MARVELD2: variants seen among roughly 807,000 people sequenced by gnomAD.
MARVELD2 encodes the protein MARVEL domain containing 2.
Under a neutral mutation model 57.6 loss-of-function variants are expected in MARVELD2, and 49 were observed. The observed-to-expected ratio is 0.85, with a 90% CI of 0.68 to 1.08. The LOEUF (loss-of-function observed/expected upper bound fraction) is 1.08. Among genes scored for constraint, MARVELD2 ranks in the 50% least tolerant of loss-of-function variants. The probability of loss-of-function intolerance (pLI) is 0.00; values close to 1 mark genes in which losing one functional copy is unlikely to be tolerated. For synonymous variants in MARVELD2, 238 were observed against 258.8 expected (o/e 0.92, Z 0.77); for missense variants, 606 against 701.1 (o/e 0.86, Z 1.53).
At chr5:69,438,202 A>G (rs1452558819) in intron 5 of MARVELD2, among the ~76,000 whole-genome samples, 1 of 152,104 alleles carries the variant, frequency 6.6e-6, no homozygotes, top group African/African-American at 2.4e-5. Context: ...TGAGCCCATA[A>G]AGTAGAAATA....
chr5:69,419,889 A>G lies in MARVELD2; in HGVS notation c.504A>G (p.Thr168=), dbSNP rs568560843. The G allele has an allele frequency of 3.0e-4, 489 of 1,614,068 alleles. 5 individuals are homozygous for G. In the South Asian group the frequency reaches 5.1e-3, roughly 17 times the overall value. ...PYGSLDRHTQ[T]VRTYSEKVEE... is the part of the protein sequence containing the mutation. ...GATCTCTAGACCGACACACACAAAC[A>G]GTTCGAACATACAGTGAGAAGGTGG... Residue 168 remains threonine, a synonymous_variant, in exon 2 of 7, where the codon ACA becomes ACG. Coordinates refer to ENST00000325631, the MANE Select transcript of MARVELD2 (RefSeq NM_001038603.3).
rs1766526296 is a variant in MARVELD2, at chr5:69,419,399, G to A, written c.14G>A (p.Gly5Glu). 2 of 1,614,040 alleles carry A rather than the reference G, an allele frequency of 1.2e-6. No homozygotes were observed. Among genetic ancestry groups the A allele is most frequent in the African/African-American group, 2.7e-5 (2 of 74,894 alleles). The change falls in exon 2 of 7, where the codon GGA becomes GAA. Residue 5 changes from glycine to glutamate, a missense_variant. Gly to Glu is a moderately conservative substitution (Grantham distance 98, BLOSUM62 -2). Coordinates refer to ENST00000325631, the MANE Select transcript of MARVELD2 (RefSeq NM_001038603.3). MSND[G>E]RSRNRDRRYD... ...TGAAAATCACAAATGTCAAATGATG[G>A]AAGATCCAGGAATCGGGACAGGCGC...
In MARVELD2 at chr5:69,440,545, A is replaced by G; in HGVS notation, c.1554+45A>G. The G allele has an allele frequency of 2.8e-6, 3 of 1,079,294 alleles. 1 individual carries two copies. The highest frequency in any genetic ancestry group is 2.5e-5 in the South Asian group (2 of 78,436). 66.9% of individuals were successfully genotyped at this position (1,079,294 alleles called of 1,614,324 possible). Reference sequence around the variant, plus strand: ...TCAAACTGTATTCTTATCCAAGTACATATGTGATAATTTACAGACTCTAGA... The same window carrying G: ...TCAAACTGTATTCTTATCCAAGTACGTATGTGATAATTTACAGACTCTAGA... On this transcript the variant is annotated intron_variant, in intron 6 of 6. Transcript: ENST00000325631.
intron 5 of MARVELD2, among the ~76,000 whole-genome samples, chr5:69,439,779 A>G (rs1007005533): frequency 6.6e-6 from 1 of 151,856 alleles, no homozygotes; most frequent in Non-Finnish European, 1.5e-5. Flanking sequence ...GCTGTAAATT[A>G]TTATATTTAT....
intron 2 of MARVELD2, among the ~76,000 whole-genome samples, chr5:69,421,197 A>G (rs1766616722): frequency 6.6e-6 from 1 of 152,212 alleles, no homozygotes; most frequent in Non-Finnish European, 1.5e-5. Flanking sequence ...AATAATGAGA[A>G]CAATAAGAAG....
chr5:69,428,996 C>G (rs1054948545), intron 3 of MARVELD2, among the ~76,000 whole-genome samples: 2 of 152,202 alleles, frequency 1.3e-5, no homozygotes, highest in Non-Finnish European at 2.9e-5. Context: ...GCATCCTAAT[C>G]AGCAAGAAAT....
chr5:69,434,081 C>G (rs190371848), intron 5 of MARVELD2, among the ~76,000 whole-genome samples: 138 of 152,124 alleles, frequency 9.1e-4, no homozygotes, highest in African/African-American at 3.2e-3. Flanking sequence ...TGTAGGGAAG[C>G]CACCAGGGGC....
Position 69,416,294 on chromosome 5 carries a change from C to CTG in MARVELD2, c.-16+1124_-16+1125insTG, listed in dbSNP as rs56660990. On this transcript the variant is annotated intron_variant, in intron 1 of 6. Coordinates refer to ENST00000325631, the MANE Select transcript of MARVELD2 (RefSeq NM_001038603.3). The stretch of plus-strand genomic sequence containing the variant: ...TTTTAGAGAAAGAAAGAGAAAGGTA[C>CTG]AAAAATAACTGATTGTTATAATATA... Among the ~76,000 whole-genome samples, 463 of 152,310 alleles carry CTG rather than the reference C, an allele frequency of 3.0e-3. 2 individuals are homozygous for CTG. Among genetic ancestry groups the CTG allele is most frequent in the African/African-American group, 0.011 (443 of 41,568 alleles).
chr5:69,435,744 C>A (rs1767113932), intron 5 of MARVELD2, among the ~76,000 whole-genome samples: 1 of 125,170 alleles, frequency 8.0e-6, no homozygotes, highest in Admixed American at 8.4e-5. Context: ...CAGAGTGAGA[C>A]CCTGTCTCAA....
intron 5 of MARVELD2, among the ~76,000 whole-genome samples, chr5:69,438,975 A>G (rs1012178087): frequency 6.6e-6 from 1 of 150,686 alleles, no homozygotes; most frequent in Non-Finnish European, 1.5e-5. Flanking sequence ...CTGAGACAGG[A>G]GGATCACTTG....
intron 5 of MARVELD2, among the ~76,000 whole-genome samples, chr5:69,436,325 C>T (rs1767135457): frequency 6.6e-6 from 1 of 151,422 alleles, no homozygotes; most frequent in South Asian, 2.1e-4. Context: ...CATGCCACTG[C>T]ACTCCAGCCT....
At position 69,433,059 on chromosome 5, in the gene MARVELD2, T is replaced by C; in HGVS notation, c.1469T>C (p.Met490Thr). Residue 490 changes from methionine (M) to threonine (T), a missense_variant, in exon 5 of 7, where the codon ATG (methionine) becomes ACG (threonine). Transcript: ENST00000325631. ...AAGTTTGATGAGCTGGATGCAGTGA[T>C]GAGCAGATTGCCACATCATTCGGAA... ...LRKFDELDAV[M>T]SRLPHHSESR... is the part of the protein sequence containing the mutation. The C allele has an allele frequency of 6.2e-7, 1 of 1,614,000 alleles. No homozygotes were observed. Among genetic ancestry groups the C allele is most frequent in the South Asian group, 1.1e-5 (1 of 91,082 alleles).
chr5:69,438,862 G>A (rs1267798165), intron 5 of MARVELD2, among the ~76,000 whole-genome samples: 1 of 151,376 alleles, frequency 6.6e-6, no homozygotes, highest in South Asian at 2.1e-4. Context: ...CTCCAGCCTG[G>A]GTGACAGAAT....
At chr5:69,431,703 C>T (rs180808849) in intron 3 of MARVELD2, among the ~76,000 whole-genome samples, 15 of 152,024 alleles carry the variant, frequency 9.9e-5, no homozygotes, top group Admixed American at 8.5e-4. Context: ...AATGTGATTC[C>T]CTTAGCTATT....
intron 5 of MARVELD2, among the ~76,000 whole-genome samples, chr5:69,435,616 T>C (rs986546465): frequency 4.6e-5 from 7 of 151,458 alleles, no homozygotes; most frequent in African/African-American, 1.7e-4. Context: ...TAGTTGGGCA[T>C]GTTGGCAGGC....
chr5:69,424,482 G>A (rs768463814), intron 2 of MARVELD2, 119 bp from the exon 3 acceptor site: 47 of 809,426 alleles, frequency 5.8e-5, no homozygotes, highest in South Asian at 3.9e-4. Flanking sequence ...AGAAACACCC[G>A]TCAAGTAGAG....
chr5:69,424,555 A>G (rs1401307635), intron 2 of MARVELD2, 46 bp from the exon 3 acceptor site: 1 of 1,516,012 alleles, frequency 6.6e-7, no homozygotes, highest in South Asian at 1.1e-5. Context: ...TTTGCAAAGT[A>G]GCTTCACATG....
At chr5:69,418,936 C>G in intron 1 of MARVELD2, 1 of 140,768 alleles carries the variant, frequency 7.1e-6, no homozygotes. Context: ...TTTTTTTTTT[C>G]TTTTTTTTAG....
chr5:69,418,262 T>C (rs1766491032), intron 1 of MARVELD2, among the ~76,000 whole-genome samples: 1 of 152,230 alleles, frequency 6.6e-6, no homozygotes, highest in African/African-American at 2.4e-5. Context: ...TTTTTAAGTC[T>C]TCAAACAAAA....
Sources: allele counts gnomAD v4.1 joint callset (sites outside exome capture counted in the v4.1 genomes callset), GRCh38; gene constraint gnomAD v4.1.1; transcripts MANE v1.5; gene names NCBI Gene and HGNC (gene_info 2026-07-23, HGNC 2026-07-21).